Variants in GRIP1 observed in about 807,000 individuals in gnomAD.
The protein encoded by GRIP1 is glutamate receptor interacting protein 1.
Under a neutral mutation model 129.9 loss-of-function variants are expected in GRIP1, and 45 were observed. The ratio of observed to expected loss-of-function variants is 0.35; its 90% CI spans 0.27 to 0.44. The LOEUF is 0.44. GRIP1 is among the 20% of genes least tolerant of loss of function. The pLI is 1.00. For missense variants in GRIP1, 1,196 were observed against 1,396.8 expected (o/e 0.86, Z 2.29); for synonymous variants, 530 against 520.8 (o/e 1.02, Z -0.24).
intron 1 of GRIP1, among the ~76,000 whole-genome samples, chr12:66,601,448 C>T (rs1026944786): frequency 1.1e-4 from 17 of 152,172 alleles, no homozygotes; most frequent in Non-Finnish European, 2.5e-4. Flanking sequence ...TTCTCCATTT[C>T]CTGAGACTCT....
chr12:66,955,504 GT>G lies in GRIP1; in HGVS notation c.58+113545del, dbSNP rs71088226. On this transcript the variant is annotated intron_variant, in intron 1 of 1. Coordinates refer to the GRIP1 transcript ENST00000643019. ...TATTATAGTATATATTACTTTTTTG[GT>G]TTTTTTTTTTTTTTTTTTTGAGTCA... 9.5e-3 allele frequency among the ~76,000 whole-genome samples: 1,087 copies of G among 114,384 alleles called. 9 individuals are homozygous for G. The highest frequency in any genetic ancestry group is 0.03 in the African/African-American group (858 of 28,138). The allele number at this position is 114,384 out of a possible 152,430, so 75.0% of individuals were successfully genotyped here. A position where few individuals can be genotyped will look rare whatever the true frequency, so the allele number is the denominator to read the frequency against.
At chr12:66,469,634 T>G (rs549144616) in intron 7 of GRIP1, among the ~76,000 whole-genome samples, 8 of 151,988 alleles carry the variant, frequency 5.3e-5, no homozygotes, top group East Asian at 1.9e-4. Flanking sequence ...CTAATCTAAC[T>G]AACCAGAAAA....
At chr12:66,779,361 G>C (rs1437486667) in intron 1 of GRIP1, among the ~76,000 whole-genome samples, 1 of 151,986 alleles carries the variant, frequency 6.6e-6, no homozygotes, top group Non-Finnish European at 1.5e-5. Context: ...AATGATTTTA[G>C]TTCTGTATTC....
rs753356159 is a variant in GRIP1 at position 66,678,929 on chromosome 12, A to G, written c.-25T>C. ...TTCTTGCTCACTGCTTTCTGTGGCAAAGTGTACTCAAGGCTCTCTGCTCTG... is the reference window on the plus strand; with the variant it reads ...TTCTTGCTCACTGCTTTCTGTGGCAGAGTGTACTCAAGGCTCTCTGCTCTG... On this transcript the variant is annotated 5_prime_UTR_variant, in exon 1 of 25. Transcript: ENST00000359742. 2.0e-5 allele frequency: 32 copies of G among 1,612,934 alleles called. No individual in the cohort carries two copies. In the Middle Eastern group the frequency reaches 2.3e-3, roughly 116 times the overall value.
At chr12:66,508,329 T>C (rs540663681) in intron 7 of GRIP1, among the ~76,000 whole-genome samples, 2 of 152,318 alleles carry the variant, frequency 1.3e-5, no homozygotes, top group Admixed American at 1.3e-4. Context: ...GTGTGAGGGC[T>C]CCACATTAGG....
At position 66,405,317 on chromosome 12, in the gene GRIP1, T is replaced by G. The variant is rs926030664; in HGVS notation, c.1984+966A>C. Among the ~76,000 whole-genome samples, 4 of 152,186 alleles carry G rather than the reference T, an allele frequency of 2.6e-5. No individual in the cohort carries two copies. In the South Asian group the frequency reaches 8.3e-4, roughly 32 times the overall value. ...ACTTTACCCACGAGATTGGCAAAATTGTAAATTAAACGTTTACTTTATGGA... is the reference window on the plus strand; with the variant it reads ...ACTTTACCCACGAGATTGGCAAAATGGTAAATTAAACGTTTACTTTATGGA... On this transcript the variant is annotated intron_variant, in intron 16 of 24. Transcript: ENST00000359742.
chr12:67,068,984 G>A (rs2043687552), intron 1 of GRIP1: 1 of 759,868 alleles, frequency 1.3e-6, no homozygotes, highest in East Asian at 1.3e-4. Flanking sequence ...GCCGGGGAGA[G>A]GGAGGCACCG....
intron 7 of GRIP1, among the ~76,000 whole-genome samples, chr12:66,474,709 T>A (rs569934457): frequency 4.4e-4 from 67 of 152,280 alleles, no homozygotes; most frequent in African/African-American, 1.5e-3. Context: ...CAACCCAGAA[T>A]TTCATATCCA....
chr12:67,032,235 G>A (rs772768157), intron 1 of GRIP1, among the ~76,000 whole-genome samples: 8 of 152,020 alleles, frequency 5.3e-5, no homozygotes, highest in Non-Finnish European at 7.4e-5. Context: ...TAGAAGCTTC[G>A]CACATGAACA....
intron 15 of GRIP1, among the ~76,000 whole-genome samples, chr12:66,409,632 C>A (rs538383615): frequency 6.6e-4 from 100 of 152,332 alleles, no homozygotes; most frequent in Non-Finnish European, 5.1e-4. Flanking sequence ...TTCTCAGACA[C>A]CAATGAACAT....
At chr12:66,908,988 C>A (rs143229504) in intron 1 of GRIP1, among the ~76,000 whole-genome samples, 2 of 152,212 alleles carry the variant, frequency 1.3e-5, no homozygotes, top group African/African-American at 4.8e-5. Flanking sequence ...ATGCACCCAG[C>A]ACCAAACACC....
chr12:66,921,223 G>C (rs1056518456), intron 1 of GRIP1, among the ~76,000 whole-genome samples: 9 of 152,148 alleles, frequency 5.9e-5, no homozygotes, highest in Non-Finnish European at 1.0e-4. Flanking sequence ...CTAATATGTT[G>C]TCCTGGCAGA....
chr12:66,963,144 CACAA>C (rs1170509359), intron 1 of GRIP1, among the ~76,000 whole-genome samples: 2 of 151,812 alleles, frequency 1.3e-5, no homozygotes, highest in Admixed American at 1.3e-4. Context: ...ACCCCACCTC[CACAA>C]ACAAACAAAA....
chr12:66,434,674 G>T (rs1194596447), intron 13 of GRIP1, among the ~76,000 whole-genome samples: 1 of 152,180 alleles, frequency 6.6e-6, no homozygotes, highest in African/African-American at 2.4e-5. Flanking sequence ...TGCCTTTCCT[G>T]AGTCCTCCCC....
chr12:66,642,181 A>G (rs1347863635), intron 1 of GRIP1, among the ~76,000 whole-genome samples: 1 of 152,222 alleles, frequency 6.6e-6, no homozygotes, highest in African/African-American at 2.4e-5. Flanking sequence ...CAACTAAACC[A>G]GACTTTGCAG....
intron 1 of GRIP1, among the ~76,000 whole-genome samples, chr12:66,724,702 T>C (rs1384288297): frequency 6.6e-6 from 1 of 152,296 alleles, no homozygotes; most frequent in African/African-American, 2.4e-5. Context: ...CCTTTTGTCT[T>C]GGGCACATAA....
intron 1 of GRIP1, among the ~76,000 whole-genome samples, chr12:66,827,221 G>A (rs1400913331): frequency 6.6e-6 from 1 of 152,100 alleles, no homozygotes; most frequent in African/African-American, 2.4e-5. Flanking sequence ...GGCCACCTGG[G>A]CTGAGTTCTC....
At chr12:66,517,862 A>G in intron 6 of GRIP1, 39 bp downstream of exon 6, 2 of 1,043,928 alleles carry the variant, frequency 1.9e-6, no homozygotes, top group Non-Finnish European at 1.5e-6. Context: ...AGCTTTATTT[A>G]TTCTATTTTG....
chr12:66,932,596 T>C (rs1223435389), intron 1 of GRIP1, among the ~76,000 whole-genome samples: 2 of 149,878 alleles, frequency 1.3e-5, no homozygotes, highest in African/African-American at 2.5e-5. Flanking sequence ...AGGATAGGAT[T>C]ATTTAAAAAA....
Sources: allele counts gnomAD v4.1 joint callset (sites outside exome capture counted in the v4.1 genomes callset), GRCh38; gene constraint gnomAD v4.1.1; transcripts MANE v1.5; gene names NCBI Gene and HGNC (gene_info 2026-07-23, HGNC 2026-07-21).